Variants in NF2 observed in about 807,000 individuals in gnomAD.
The protein encoded by NF2 is merlin.
Under a neutral mutation model 83.7 loss-of-function variants are expected in NF2, and 8 were observed. That is an observed-to-expected ratio of 0.10 (90% confidence interval 0.06 to 0.17). The LOEUF is 0.17. NF2 is among the 10% of genes least tolerant of loss of function. The pLI, the probability that NF2 is intolerant of heterozygous loss-of-function variation, is 1.00. For synonymous variants in NF2, 266 were observed against 269.6 expected (o/e 0.99, Z 0.13); for missense variants, 533 against 744.4 (o/e 0.72, Z 3.31).
intron 6 of NF2, among the ~76,000 whole-genome samples, chr22:29,656,999 T>C (rs1014246295): frequency 6.6e-6 from 1 of 152,108 alleles, no homozygotes; most frequent in Non-Finnish European, 1.5e-5. Context: ...TTTTCTCTTC[T>C]TCAAATCAGT....
At chr22:29,692,368 G>A (rs907602053) in intron 15 of NF2, among the ~76,000 whole-genome samples, 39 of 152,176 alleles carry the variant, frequency 2.6e-4, no homozygotes, top group African/African-American at 9.4e-4. Flanking sequence ...GCGCTGCAGT[G>A]CAGCTCAGGT....
At chr22:29,687,949 G>A (rs1048243468) in intron 15 of NF2, among the ~76,000 whole-genome samples, 2 of 152,216 alleles carry the variant, frequency 1.3e-5, no homozygotes, top group Non-Finnish European at 2.9e-5. Flanking sequence ...AGGAACTGCA[G>A]GCTGCTCTTA....
At chr22:29,660,006 C>T (rs1042821747) in intron 7 of NF2, among the ~76,000 whole-genome samples, 10 of 152,124 alleles carry the variant, frequency 6.6e-5, no homozygotes, top group Non-Finnish European at 2.9e-5. Context: ...CTTCACAGTC[C>T]CAGTACCTTC....
chr22:29,686,620 C>T (rs2067276520), intron 15 of NF2, among the ~76,000 whole-genome samples: 1 of 152,214 alleles, frequency 6.6e-6, no homozygotes, highest in Non-Finnish European at 1.5e-5. Context: ...GCCTGGGCAA[C>T]AAGAGCAAGA....
chr22:29,618,727 TCTC>T (rs1045210677), intron 1 of NF2, among the ~76,000 whole-genome samples: 6 of 152,326 alleles, frequency 3.9e-5, no homozygotes, highest in African/African-American at 9.6e-5. Context: ...AAAGCCTCCT[TCTC>T]CTGTTGTTTG....
intron 4 of NF2, among the ~76,000 whole-genome samples, chr22:29,647,730 C>T (rs1601600309): frequency 1.3e-5 from 2 of 151,918 alleles, no homozygotes; most frequent in African/African-American, 4.8e-5. Flanking sequence ...TGAGATGTAT[C>T]CATGTTGTGT....
intron 1 of NF2, among the ~76,000 whole-genome samples, chr22:29,632,557 G>A (rs2065543424): frequency 6.6e-6 from 1 of 152,250 alleles, no homozygotes. Flanking sequence ...TCCTCTGAGT[G>A]TAGAGACTTG....
rs145359574 is a variant in NF2 at position 29,620,596 on chromosome 22, G to A, written c.115-16155G>A. ...TCTACTAAAAATAGAAAAATTAGCC[G>A]GGGGCAATGGCATGTGCCTGTAATT... On this transcript the variant is annotated intron_variant, in intron 1 of 15. Transcript: ENST00000338641. Among the ~76,000 whole-genome samples the A allele has an allele frequency of 5.6e-4, 85 of 150,898 alleles. 1 individual carries two copies. The East Asian group carries it at 0.011, about 19-fold the overall frequency.
chr22:29,666,410 A>ATTACAGGCGG (rs946987914), intron 9 of NF2, among the ~76,000 whole-genome samples: 4 of 151,800 alleles, frequency 2.6e-5, no homozygotes, highest in Non-Finnish European at 4.4e-5. Flanking sequence ...AAGTGCTGGG[A>ATTACAGGCGG]TTACAGGCGT....
At chr22:29,684,074 A>G in intron 15 of NF2, 1 of 292,444 alleles carries the variant, frequency 3.4e-6, no homozygotes, top group Non-Finnish European at 5.3e-6. Flanking sequence ...GGCATAAGAT[A>G]GATCCTACTT....
chr22:29,621,018 C>T lies in NF2; in HGVS notation c.115-15733C>T, dbSNP rs1601549413. Among the ~76,000 whole-genome samples, 3 of 152,294 alleles carry T rather than the reference C, an allele frequency of 2.0e-5. No homozygotes were observed. In the Middle Eastern group the frequency reaches 0.01, roughly 518 times the overall value. Reference sequence around the variant, plus strand: ...CATGCTTAAAGGCTTAGTGCAGCCACTATCTATTCTGAAAGAGGCAGAATA... The same window carrying T: ...CATGCTTAAAGGCTTAGTGCAGCCATTATCTATTCTGAAAGAGGCAGAATA... On this transcript the variant is annotated intron_variant, in intron 1 of 15. Coordinates refer to ENST00000338641, the MANE Select transcript of NF2 (RefSeq NM_000268.4).
At chr22:29,628,850 C>A (rs1054325389) in intron 1 of NF2, among the ~76,000 whole-genome samples, 1 of 151,928 alleles carries the variant, frequency 6.6e-6, no homozygotes, top group African/African-American at 2.4e-5. Context: ...AGGCTGGTCT[C>A]GAACTCCTGA....
Position 29,603,739 on chromosome 22 carries a change from G to A in NF2, c.-260G>A, listed in dbSNP as rs1437999071. 4.4e-6 allele frequency: 2 copies of A among 458,344 alleles called. No individual in the cohort carries two copies. Among genetic ancestry groups the A allele is most frequent in the Non-Finnish European group, 7.7e-6 (2 of 260,798 alleles). The allele number at this position is 458,344 out of a possible 1,614,324, so 28.4% of individuals were successfully genotyped here. ...TCTCCGGCCCGAATCCCGGAGTGCC[G>A]GGTCGCGCCTGCACCGAAGGTCCCG... On this transcript the variant is annotated 5_prime_UTR_variant, in exon 1 of 16. Transcript: ENST00000338641.
chr22:29,671,183 T>A (rs2066772971), intron 10 of NF2, among the ~76,000 whole-genome samples: 1 of 152,094 alleles, frequency 6.6e-6, no homozygotes, highest in South Asian at 2.1e-4. Context: ...ACCTGGGGTT[T>A]CCCAACAAAA....
chr22:29,655,818 G>C, intron 6 of NF2, 142 bp downstream of exon 6: 1 of 713,774 alleles, frequency 1.4e-6, no homozygotes, highest in Non-Finnish European at 2.4e-6. Flanking sequence ...GAGCTGGGGA[G>C]CTGGGAGTAA....
chr22:29,603,760 T>G lies in NF2; in HGVS notation c.-239T>G. On this transcript the variant is annotated 5_prime_UTR_variant, in exon 1 of 16. Coordinates refer to ENST00000338641, the MANE Select transcript of NF2 (RefSeq NM_000268.4). ...TGCCGGGTCGCGCCTGCACCGAAGG[T>G]CCCGGCTCCTGTGCCCTCCCTGCAG... The G allele has an allele frequency of 1.9e-6, 1 of 531,506 alleles. No homozygotes were observed. The highest frequency in any genetic ancestry group is 3.3e-6 in the Non-Finnish European group (1 of 304,044). The allele number at this position is 531,506 out of a possible 1,614,324, so 32.9% of individuals were successfully genotyped here. A position where few individuals can be genotyped will look rare whatever the true frequency, so the allele number is the denominator to read the frequency against.
At chr22:29,624,845 CTTT>C (rs770039054) in intron 1 of NF2, among the ~76,000 whole-genome samples, 1 of 143,758 alleles carries the variant, frequency 7.0e-6, no homozygotes, top group Admixed American at 6.9e-5. Flanking sequence ...TTCTTTCTTT[CTTT>C]CTTTCTTTCT....
At chr22:29,642,944 T>C (rs898537833) in intron 4 of NF2, among the ~76,000 whole-genome samples, 2 of 151,848 alleles carry the variant, frequency 1.3e-5, no homozygotes, top group Non-Finnish European at 2.9e-5. Context: ...TTCACTTCCG[T>C]TAAATCACTA....
intron 9 of NF2, among the ~76,000 whole-genome samples, chr22:29,667,036 G>A (rs992477305): frequency 8.5e-5 from 13 of 152,086 alleles, no homozygotes; most frequent in African/African-American, 3.1e-4. Context: ...ATATACACAG[G>A]AGTAGAAGTA....
Sources: allele counts gnomAD v4.1 joint callset (sites outside exome capture counted in the v4.1 genomes callset), GRCh38; gene constraint gnomAD v4.1.1; transcripts MANE v1.5; gene names NCBI Gene and HGNC (gene_info 2026-07-23, HGNC 2026-07-21).